AKAP13: variants seen among roughly 807,000 people sequenced by gnomAD.
The protein encoded by AKAP13 is A-kinase anchor protein 13.
Under a neutral mutation model 264.5 loss-of-function variants are expected in AKAP13, and 80 were observed. That is an observed-to-expected ratio of 0.30 (90% CI 0.25 to 0.36). The LOEUF is 0.36. AKAP13 is among the 10% of genes least tolerant of loss of function. The probability of loss-of-function intolerance (pLI) is 1.00; values close to 1 mark genes in which losing one functional copy is unlikely to be tolerated. For missense variants in AKAP13, 3,712 were observed against 3,435.2 expected, an observed-to-expected ratio of 1.08 and a Z score of -2.01; for synonymous variants, 1,380 against 1,250.2, an observed-to-expected ratio of 1.10 and a Z score of -2.19.
Position 85,578,921 on chromosome 15 carries a change from TC to T in AKAP13, c.862-7del, listed in dbSNP as rs1338289185. 1.9e-6 allele frequency: 3 copies of T among 1,599,968 alleles called. No individual in the cohort carries two copies. The highest frequency in any genetic ancestry group is 2.6e-6 in the Non-Finnish European group (3 of 1,170,416). Reference sequence around the variant, plus strand: ...CAGTTTTTTAAAAGTGTATTTCATTTCCTCCTAGAAAACAAACCTCAAGCAG... The same window carrying T: ...CAGTTTTTTAAAAGTGTATTTCATTTCTCCTAGAAAACAAACCTCAAGCAG... On this transcript the variant is annotated splice_polypyrimidine_tract_variant and splice_region_variant and intron_variant, in intron 6 of 36. Coordinates refer to ENST00000394518, the MANE Select transcript of AKAP13 (RefSeq NM_007200.5).
rs551028406 is a variant in AKAP13, at chr15:85,639,504, C to T, written c.4237+55C>T. Reference sequence around the variant, plus strand: ...GAGCTGCAGCCCCACTCTGGCAGATCGTTTTATTTGGAGATCTGCCCTTCC... The same window carrying T: ...GAGCTGCAGCCCCACTCTGGCAGATTGTTTTATTTGGAGATCTGCCCTTCC... On this transcript the variant is annotated intron_variant, in intron 9 of 36. Coordinates refer to ENST00000394518, the MANE Select transcript of AKAP13 (RefSeq NM_007200.5). The T allele has an allele frequency of 1.1e-5, 15 of 1,321,574 alleles. No individual in the cohort carries two copies. The African/African-American group carries it at 1.4e-4, about 13-fold the overall frequency. 81.9% of individuals were successfully genotyped at this position (1,321,574 alleles called of 1,614,324 possible). A position where few individuals can be genotyped will look rare whatever the true frequency, so the allele number is the denominator to read the frequency against.
intron 4 of AKAP13, chr15:85,535,216 A>G (rs1300850640): frequency 6.6e-6 from 1 of 152,212 alleles, no homozygotes; most frequent in Non-Finnish European, 1.5e-5. Context: ...CTACACTCAG[A>G]TGAATTTTGT....
intron 1 of AKAP13, among the ~76,000 whole-genome samples, chr15:85,475,610 A>G (rs1389380786): frequency 2.6e-5 from 4 of 152,132 alleles, no homozygotes; most frequent in Non-Finnish European, 2.9e-5. Context: ...TATGATGTTG[A>G]ATTCCCCAGC....
intron 1 of AKAP13, among the ~76,000 whole-genome samples, chr15:85,406,332 T>A (rs891023959): frequency 3.9e-5 from 6 of 152,112 alleles, no homozygotes; most frequent in African/African-American, 1.4e-4. Context: ...TGTATGGTTT[T>A]ATGATTGTGG....
At chr15:85,432,946 A>AG (rs1289145395) in intron 1 of AKAP13, among the ~76,000 whole-genome samples, 5 of 150,896 alleles carry the variant, frequency 3.3e-5, no homozygotes, top group Non-Finnish European at 5.9e-5. Flanking sequence ...TGGAAAATAT[A>AG]GAAAGAAAAA....
chr15:85,427,519 G>A (rs2072849961), intron 1 of AKAP13, among the ~76,000 whole-genome samples: 1 of 152,072 alleles, frequency 6.6e-6, no homozygotes, highest in South Asian at 2.1e-4. Flanking sequence ...GTGTGTGTGT[G>A]CGCACACACA....
At chr15:85,501,188 C>G (rs560462707) in intron 2 of AKAP13, among the ~76,000 whole-genome samples, 2 of 152,158 alleles carry the variant, frequency 1.3e-5, no homozygotes, top group East Asian at 3.9e-4. Flanking sequence ...GTAGTTTGTC[C>G]TGTCTTGTAT....
In AKAP13 at chr15:85,684,777, C is replaced by G; in HGVS notation, c.5193C>G (p.Ser1731Arg). The G allele has an allele frequency of 6.2e-7, 1 of 1,613,474 alleles. No homozygotes were observed. The highest frequency in any genetic ancestry group is 8.5e-7 in the Non-Finnish European group (1 of 1,179,862). ...AGAACTATAATTTCCTGCCACATAG[C>G]CCCTCCAAGAAAGATTCTGAATGGA... ...TEENYNFLPH[S>R]PSKKDSEWKS... The change falls in exon 16 of 37, where the codon AGC (serine) becomes AGG (arginine). Residue 1731 changes from serine to arginine, a missense_variant. By Grantham distance (110) the Ser-to-Arg change is moderately radical. Around this residue, in one of 3 missense-constraint regions of AKAP13, gnomAD observed 2,759 missense variants for 2,411.7 expected, o/e 1.14. Transcript: ENST00000394518.
At chr15:85,465,999 T>G (rs963184679) in intron 1 of AKAP13, among the ~76,000 whole-genome samples, 2 of 151,910 alleles carry the variant, frequency 1.3e-5, no homozygotes, top group Non-Finnish European at 2.9e-5. Flanking sequence ...TTTCTCCACA[T>G]CCTCTCCAGC....
intron 8 of AKAP13, among the ~76,000 whole-genome samples, chr15:85,628,109 C>T (rs747091289): frequency 7.9e-4 from 121 of 152,306 alleles, no homozygotes; most frequent in East Asian, 7.7e-4. Context: ...GTTTGTGGAG[C>T]TGTCTCACTG....
At chr15:85,509,945 A>C (rs1207244117) in intron 2 of AKAP13, among the ~76,000 whole-genome samples, 8 of 152,152 alleles carry the variant, frequency 5.3e-5, no homozygotes, top group Non-Finnish European at 4.4e-5. Context: ...TTCAAACATA[A>C]TTTGAAATCA....
intron 19 of AKAP13, among the ~76,000 whole-genome samples, chr15:85,711,381 C>G (rs1408891091): frequency 6.6e-6 from 1 of 152,080 alleles, no homozygotes; most frequent in Non-Finnish European, 1.5e-5. Context: ...CTCATTCCTA[C>G]TTTAGTATAT....
At chr15:85,416,098 G>T (rs910394076) in intron 1 of AKAP13, among the ~76,000 whole-genome samples, 2 of 152,222 alleles carry the variant, frequency 1.3e-5, no homozygotes, top group South Asian at 2.1e-4. Flanking sequence ...AGTCAAGGAG[G>T]GAAGGACATT....
intron 23 of AKAP13, among the ~76,000 whole-genome samples, chr15:85,720,819 G>C (rs2087238780): frequency 6.6e-6 from 1 of 152,180 alleles, no homozygotes; most frequent in African/African-American, 2.4e-5. Context: ...TATTTACTGA[G>C]CATCTATTAA....
rs1308212432 is a variant in AKAP13 at position 85,589,455 on chromosome 15, TA to T, written c.4161+3639del. Among the ~76,000 whole-genome samples, 3 of 151,868 alleles carry T rather than the reference TA, an allele frequency of 2.0e-5. No individual in the cohort carries two copies. The East Asian group carries it at 5.8e-4, about 29-fold the overall frequency. ...TGTTTTGAATTATGTTTCCAGCCAT[TA>T]AAAAAATGTAAAATCTCAGCCGGGC... On this transcript the variant is annotated intron_variant, in intron 8 of 36. Coordinates refer to ENST00000394518, the MANE Select transcript of AKAP13 (RefSeq NM_007200.5).
intron 16 of AKAP13, among the ~76,000 whole-genome samples, chr15:85,687,901 G>A (rs576612420): frequency 2.6e-5 from 4 of 151,858 alleles, no homozygotes; most frequent in African/African-American, 7.3e-5. Flanking sequence ...TTAGCTGGGC[G>A]TAGTGGCACA....
intron 2 of AKAP13, among the ~76,000 whole-genome samples, chr15:85,501,077 G>T (rs2076025663): frequency 2.0e-5 from 3 of 152,152 alleles, no homozygotes; most frequent in African/African-American, 7.2e-5. Flanking sequence ...TGTTAAAGAA[G>T]GCCAGGGGTG....
At chr15:85,557,630 G>T (rs752604416) in intron 5 of AKAP13, among the ~76,000 whole-genome samples, 2 of 151,952 alleles carry the variant, frequency 1.3e-5, no homozygotes, top group Non-Finnish European at 2.9e-5. Flanking sequence ...ACTAACTAAC[G>T]CACCTGGCTA....
At chr15:85,628,352 A>G (rs1420944104) in intron 8 of AKAP13, among the ~76,000 whole-genome samples, 1 of 152,170 alleles carries the variant, frequency 6.6e-6, no homozygotes. Flanking sequence ...AGTTGTGTGG[A>G]TGAGTGTCAG....
Sources: allele counts gnomAD v4.1 joint callset (sites outside exome capture counted in the v4.1 genomes callset), GRCh38; gene constraint gnomAD v4.1.1; regional missense constraint gnomAD v4.1.1; transcripts MANE v1.5; gene names NCBI Gene and HGNC (gene_info 2026-07-23, HGNC 2026-07-21).